Variants in TSPOAP1 observed in about 807,000 individuals in gnomAD.
TSPOAP1 encodes peripheral-type benzodiazepine receptor-associated protein 1.
Under a neutral mutation model 197.0 loss-of-function variants are expected in TSPOAP1, and 87 were observed. That is an observed-to-expected ratio of 0.44 (90% CI 0.37 to 0.53). TSPOAP1 has a LOEUF of 0.53. Among genes scored for constraint, TSPOAP1 ranks in the 20% least tolerant of loss-of-function variants. The pLI is 0.00. For missense variants in TSPOAP1, 2,174 were observed against 2,411.3 expected, an observed-to-expected ratio of 0.90 and a Z score of 2.06; for synonymous variants, 913 against 998.9, an observed-to-expected ratio of 0.91 and a Z score of 1.62.
chr17:58,308,942 C>A lies in TSPOAP1; in HGVS notation c.4330G>T (p.Gly1444Cys). The A allele has an allele frequency of 6.2e-7, 1 of 1,602,616 alleles. No homozygotes were observed. The highest frequency in any genetic ancestry group is 8.5e-7 in the Non-Finnish European group (1 of 1,174,882). ...AGGCCACCCCTCTCCCGTGTGGGGCCCAGTCGTCCAGAGGCCTGGGGCCCA... is the reference window on the plus strand; with the variant it reads ...AGGCCACCCCTCTCCCGTGTGGGGCACAGTCGTCCAGAGGCCTGGGGCCCA... ...NNGPQASGRL[G>C]PTRERGGLPV... Residue 1444 changes from glycine (G) to cysteine (C), a missense_variant, in exon 22 of 32, where the codon GGC becomes TGC. Transcript: ENST00000343736.
At position 58,309,074 on chromosome 17, in the gene TSPOAP1, C is replaced by G; in HGVS notation, c.4198G>C (p.Val1400Leu). Residue 1400 changes from valine to leucine, a missense_variant, in exon 22 of 32, where the codon GTT (valine) becomes CTT (leucine). This residue lies in a region of TSPOAP1 where 1,933 missense variants were observed against 2,139.0 expected (regional missense o/e 0.90). Coordinates refer to ENST00000343736, the MANE Select transcript of TSPOAP1 (RefSeq NM_004758.4). The surrounding 1 kb of genome is among the most constrained non-coding windows in gnomAD (Gnocchi z 5.0). The stretch of plus-strand genomic sequence containing the variant: ...CCTCTCCTCCGGCTGCTTCCACCAA[C>G]TAATCCAGGCATGTCTTCCAGGCAG... ...GDCLEDMPGL[V>L]GGSSRRRGGG... 2 of 1,613,208 alleles carry G rather than the reference C, an allele frequency of 1.2e-6. No individual in the cohort carries two copies. Among genetic ancestry groups the G allele is most frequent in the Admixed American group, 1.7e-5 (1 of 60,032 alleles).
Position 58,308,736 on chromosome 17 carries a change from C to G in TSPOAP1, c.4536G>C (p.Gly1512=). ...DSEDEQEAGS[G]GISITSSCYP... is the part of the protein sequence containing the mutation. The stretch of plus-strand genomic sequence containing the variant: ...AGCAGGAGCTGGTGATGCTGATGCC[C>G]CCGCTGCCCGCCTCCTGCTCATCCT... Residue 1512 remains glycine (G), a synonymous_variant, in exon 22 of 32, where the codon GGG becomes GGC. Transcript: ENST00000343736. 1 of 1,613,042 alleles carries G rather than the reference C, an allele frequency of 6.2e-7. No individual in the cohort carries two copies. The highest frequency in any genetic ancestry group is 1.1e-5 in the South Asian group (1 of 91,080).
rs150791088 is a variant in TSPOAP1, at chr17:58,309,195, C to A, written c.4077G>T (p.Pro1359=). The change falls in exon 22 of 32, where the codon CCG becomes CCT. Residue 1359 remains proline (P), a synonymous_variant. Transcript: ENST00000343736. This position sits in a 1 kb window ranked among gnomAD's most constrained non-coding sequence, Gnocchi z 5.0. ...CCAGCCCCAGCAATGCAGGTTCAGG[C>A]GGGCCAGGGTCTCGGGAAGAACAGC... ...GAGCSSRDPG[P]PEPALLGLGC... 6 of 1,614,036 alleles carry A rather than the reference C, an allele frequency of 3.7e-6. No homozygotes were observed. Among genetic ancestry groups the A allele is most frequent in the East Asian group, 4.5e-5 (2 of 44,880 alleles).
At position 58,308,966 on chromosome 17, in the gene TSPOAP1, C is replaced by A. The variant is rs1237846831; in HGVS notation, c.4306G>T (p.Gly1436Trp). ...EHCSRLLSNNGPQASGRLGPT... is the reference protein window; with the variant it reads ...EHCSRLLSNNWPQASGRLGPT... ...CCCAGTCGTCCAGAGGCCTGGGGCC[C>A]ATTGTTGCTGAGAAGTCGGCTGCAG... is the stretch of plus-strand genomic sequence containing the variant. The change falls in exon 22 of 32, where the codon GGG becomes TGG. Residue 1436 changes from glycine (G) to tryptophan (W), a missense_variant. Coordinates refer to ENST00000343736, the MANE Select transcript of TSPOAP1 (RefSeq NM_004758.4). 6.2e-7 allele frequency: 1 copy of A among 1,609,392 alleles called. No homozygotes were observed. Among genetic ancestry groups the A allele is most frequent in the South Asian group, 1.1e-5 (1 of 90,806 alleles).
At position 58,324,764 on chromosome 17, in the gene TSPOAP1, C is replaced by G; in HGVS notation, c.942+47G>C. 1 of 1,318,898 alleles carries G rather than the reference C, an allele frequency of 7.6e-7. No homozygotes were observed. Among genetic ancestry groups the G allele is most frequent in the Non-Finnish European group, 9.8e-7 (1 of 1,024,936 alleles). The allele number at this position is 1,318,898 out of a possible 1,614,324, so 81.7% of individuals were successfully genotyped here. A position where few individuals can be genotyped will look rare whatever the true frequency, so the allele number is the denominator to read the frequency against. On this transcript the variant is annotated intron_variant, in intron 5 of 31. Transcript: ENST00000343736. The surrounding 1 kb of genome is among the most constrained non-coding windows in gnomAD (Gnocchi z 5.8). ...GGGAGATCCCGGTGGTCGTTCCCCC[C>G]ACCCATCTGCACGCACCCACACACC... is the stretch of plus-strand genomic sequence containing the variant.
intron 10 of TSPOAP1, among the ~76,000 whole-genome samples, chr17:58,321,283 G>C (rs529173784): frequency 6.6e-6 from 1 of 150,742 alleles, no homozygotes; most frequent in South Asian, 2.1e-4. Context: ...GGAATCCCAC[G>C]GGGATCCTTG....
intron 16 of TSPOAP1, among the ~76,000 whole-genome samples, chr17:58,313,789 A>T (rs902416083): frequency 6.6e-6 from 1 of 152,148 alleles, no homozygotes; most frequent in Non-Finnish European, 1.5e-5. Flanking sequence ...CTAGTGAAAT[A>T]GTCACTTGTA....
intron 24 of TSPOAP1, 78 bp from the exon 25 acceptor site, chr17:58,307,046 A>C: frequency 6.9e-7 from 1 of 1,444,514 alleles, no homozygotes; most frequent in Non-Finnish European, 9.4e-7. Context: ...GCAACACCCC[A>C]CTTGGAAATG....
rs1971005617 is a variant in TSPOAP1, at chr17:58,309,213, A to G, written c.4059T>C (p.Ser1353=). 1.9e-6 allele frequency: 3 copies of G among 1,613,906 alleles called. No homozygotes were observed. Among genetic ancestry groups the G allele is most frequent in the East Asian group, 2.2e-5 (1 of 44,888 alleles). The part of the protein sequence containing the change: ...EEEEKSGAGC[S]SRDPGPPEPA... Reference sequence around the variant, plus strand: ...GTTCAGGCGGGCCAGGGTCTCGGGAAGAACAGCCTGCCCCTGACTTCTCCT... The same window carrying G: ...GTTCAGGCGGGCCAGGGTCTCGGGAGGAACAGCCTGCCCCTGACTTCTCCT... The change falls in exon 22 of 32, where the codon TCT becomes TCC. Residue 1353 remains serine, a synonymous_variant. Coordinates refer to ENST00000343736, the MANE Select transcript of TSPOAP1 (RefSeq NM_004758.4). This position sits in a 1 kb window ranked among gnomAD's most constrained non-coding sequence, Gnocchi z 5.0.
chr17:58,324,608 C>A lies in TSPOAP1; in HGVS notation c.942+203G>T, dbSNP rs1971514300. On this transcript the variant is annotated intron_variant, in intron 5 of 31. Transcript: ENST00000343736. The surrounding 1 kb of genome is among the most constrained non-coding windows in gnomAD (Gnocchi z 5.8). ...ATGGAGGGCGGAACCCTGGAGCCCC[C>A]AGGGGAGGGCACGGCGCAGGTACGA... is the stretch of plus-strand genomic sequence containing the variant. Among the ~76,000 whole-genome samples the A allele has an allele frequency of 6.6e-6, 1 of 152,058 alleles. No homozygotes were observed. The highest frequency in any genetic ancestry group is 1.5e-5 in the Non-Finnish European group (1 of 67,936).
intron 14 of TSPOAP1, among the ~76,000 whole-genome samples, 161 bp downstream of exon 14, chr17:58,318,119 C>A (rs759462144): frequency 3.9e-5 from 6 of 152,190 alleles, no homozygotes; most frequent in Non-Finnish European, 8.8e-5. Context: ...TCCACCTGAG[C>A]GCCTCGCCCA....
chr17:58,327,528 C>T, intron 1 of TSPOAP1, 60 bp downstream of exon 1: 2 of 1,551,730 alleles, frequency 1.3e-6, no homozygotes, highest in Middle Eastern at 1.7e-4. Flanking sequence ...CCTGGCCAGG[C>T]TGGAGGACAT....
chr17:58,324,873 A>T lies in TSPOAP1; in HGVS notation c.880T>A (p.Trp294Arg). ...QRETLPLPPSWPPGPALQARA... is the reference protein window; with the variant it reads ...QRETLPLPPSRPPGPALQARA... ...GCCTGGAGAGCAGGGCCCGGGGGCC[A>T]GGACGGCGGGAGCGGGAGCGTCTCC... is the stretch of plus-strand genomic sequence containing the variant. Residue 294 changes from tryptophan to arginine, a missense_variant, in exon 5 of 32, where the codon TGG (tryptophan) becomes AGG (arginine). Around this residue, in one of 5 missense-constraint regions of TSPOAP1, gnomAD observed 1,933 missense variants for 2,139.0 expected, o/e 0.90. Transcript: ENST00000343736. This position sits in a 1 kb window ranked among gnomAD's most constrained non-coding sequence, Gnocchi z 5.8. 6.5e-7 allele frequency: 1 copy of T among 1,531,440 alleles called. No individual in the cohort carries two copies. The highest frequency in any genetic ancestry group is 2.5e-5 in the East Asian group (1 of 40,724). 94.9% of individuals were successfully genotyped at this position (1,531,440 alleles called of 1,614,324 possible).
In TSPOAP1 at chr17:58,304,189, A is replaced by C; in HGVS notation, c.*32+149T>G. ...GAGGGGGAGGGATGACTCTTCATGC[A>C]AATCTGGCTCATGGCAAGCTCTCCT... is the stretch of plus-strand genomic sequence containing the variant. On this transcript the variant is annotated intron_variant, in intron 31 of 31. Coordinates refer to ENST00000343736, the MANE Select transcript of TSPOAP1 (RefSeq NM_004758.4). The surrounding 1 kb of genome is among the most constrained non-coding windows in gnomAD (Gnocchi z 4.2). The C allele has an allele frequency of 1.6e-6, 1 of 633,726 alleles. No individual in the cohort carries two copies. The highest frequency in any genetic ancestry group is 1.9e-5 in the South Asian group (1 of 51,806). 39.3% of individuals were successfully genotyped at this position (633,726 alleles called of 1,614,324 possible).
chr17:58,306,860 C>A lies in TSPOAP1; in HGVS notation c.5092G>T (p.Gly1698Trp). 6.2e-7 allele frequency: 1 copy of A among 1,613,696 alleles called. No homozygotes were observed. Among genetic ancestry groups the A allele is most frequent in the Non-Finnish European group, 8.5e-7 (1 of 1,180,004 alleles). Residue 1698 changes from glycine (G) to tryptophan (W), a missense_variant, in exon 25 of 32, where the codon GGG becomes TGG. By Grantham distance (184) the Gly-to-Trp change is radical. This residue lies in a region of TSPOAP1 where 161 missense variants were observed against 159.1 expected (regional missense o/e 1.01). Coordinates refer to ENST00000343736, the MANE Select transcript of TSPOAP1 (RefSeq NM_004758.4). ...VAEVAVDSPA[G>W]RQQLLQRGYL... is the part of the protein sequence containing the mutation. ...CCCCGCTGGAGCAGTTGCTGTCTCCCAGCAGGGCTGTCCACAGCCACCTCA... is the reference window on the plus strand; with the variant it reads ...CCCCGCTGGAGCAGTTGCTGTCTCCAAGCAGGGCTGTCCACAGCCACCTCA...
chr17:58,312,078 G>A lies in TSPOAP1; in HGVS notation c.2743C>T (p.Leu915Phe). ...GNSNLAHAIY[L>F]NGEECPPASP... ...GCAGGTGGGCACTCTTCCCCATTGA[G>A]GTAGATGGCATGGGCCAAGTTGCTA... The change falls in exon 17 of 32, where the codon CTC becomes TTC. Residue 915 changes from leucine to phenylalanine, a missense_variant. By Grantham distance (22) the Leu-to-Phe change is conservative. Transcript: ENST00000343736. 1 of 1,613,430 alleles carries A rather than the reference G, an allele frequency of 6.2e-7. No individual in the cohort carries two copies. Among genetic ancestry groups the A allele is most frequent in the Non-Finnish European group, 8.5e-7 (1 of 1,179,974 alleles).
In TSPOAP1 at chr17:58,319,204, G is replaced by T. The variant is rs1198400066; in HGVS notation, c.1585C>A (p.Pro529Thr). 5 of 1,591,272 alleles carry T rather than the reference G, an allele frequency of 3.1e-6. No individual in the cohort carries two copies. The highest frequency in any genetic ancestry group is 1.6e-4 in the Middle Eastern group (1 of 6,062). The change falls in exon 13 of 32, where the codon CCG becomes ACG. Residue 529 changes from proline to threonine, a missense_variant. By Grantham distance (38) the Pro-to-Thr change is conservative (BLOSUM62 -1). This residue lies in a region of TSPOAP1 where 1,933 missense variants were observed against 2,139.0 expected (regional missense o/e 0.90). Coordinates refer to ENST00000343736, the MANE Select transcript of TSPOAP1 (RefSeq NM_004758.4). The stretch of plus-strand genomic sequence containing the variant: ...GATGTGAGCAGATCCAAGGGGCCCG[G>T]GTGCAGGCGGAAAGCCTGGAGTTCC... ...AQELQAFRLH[P>T]GPLDLLTSAL...
At chr17:58,312,791 A>G (rs1286661635) in intron 16 of TSPOAP1, 69 bp from the exon 17 acceptor site, 6 of 1,313,936 alleles carry the variant, frequency 4.6e-6, no homozygotes, top group Non-Finnish European at 5.2e-6. Flanking sequence ...AAAACGGTAT[A>G]ATAAATGCAT....
chr17:58,320,695 G>A, intron 10 of TSPOAP1, 114 bp from the exon 11 acceptor site: 2 of 831,958 alleles, frequency 2.4e-6, no homozygotes, highest in Non-Finnish European at 1.7e-6. Flanking sequence ...GAAGAAGCCG[G>A]GAGAAAGAAA....
Sources: gnomAD v4.1 joint callset for allele counts (sites outside exome capture counted in the v4.1 genomes callset) on GRCh38, gnomAD v4.1.1 for gene constraint, gnomAD v4.1.1 regional missense constraint, Gnocchi (gnomAD v3.1) non-coding constraint, MANE v1.5 for transcripts, NCBI Gene and HGNC (gene_info 2026-07-23, HGNC 2026-07-21) for gene names.